The following PRKAG2 variants were observed in gnomAD, a reference collection of about 807,000 sequenced individuals.
The protein encoded by PRKAG2 is 5'-AMP-activated protein kinase subunit gamma-2.
In PRKAG2, 26 loss-of-function variants were observed where a neutral mutation model predicts 69.6. The ratio of observed to expected loss-of-function variants is 0.37; its 90% confidence interval spans 0.27 to 0.52. The LOEUF (loss-of-function observed/expected upper bound fraction) is 0.52, where lower values mean the gene tolerates loss of function less well. Ranked by LOEUF, PRKAG2 falls within the 20% of genes least tolerant of loss-of-function variation. PRKAG2 has a pLI of 0.90. For synonymous variants in PRKAG2, 293 were observed against 285.0 expected, an observed-to-expected ratio of 1.03 and a Z score of -0.28; for missense variants, 557 against 740.0, an observed-to-expected ratio of 0.75 and a Z score of 2.87.
At chr7:151,707,000 A>G (rs948297885) in intron 3 of PRKAG2, among the ~76,000 whole-genome samples, 1 of 152,244 alleles carries the variant, frequency 6.6e-6, no homozygotes, top group Non-Finnish European at 1.5e-5. Flanking sequence ...GCAGTCATGC[A>G]GAGGAGGCCT....
At position 151,701,610 on chromosome 7, in the gene PRKAG2, G is replaced by A. The variant is rs184583026; in HGVS notation, c.467-25973C>T. On this transcript the variant is annotated intron_variant, in intron 3 of 15. Transcript: ENST00000287878. ...TGTAATCCCAGCACTTTGGGAGGCC[G>A]AGACGGGCAGATCGAGAGGTCAGGA... Among the ~76,000 whole-genome samples the A allele has an allele frequency of 3.0e-3, 458 of 152,204 alleles. 1 individual carries two copies. Among genetic ancestry groups the A allele is most frequent in the African/African-American group, 9.8e-3 (406 of 41,538 alleles).
chr7:151,868,904 C>T (rs982258897), intron 1 of PRKAG2, among the ~76,000 whole-genome samples: 3 of 152,094 alleles, frequency 2.0e-5, no homozygotes, highest in African/African-American at 4.8e-5. Context: ...CATGTATTTG[C>T]CTGAAGGTTT....
intron 3 of PRKAG2, among the ~76,000 whole-genome samples, chr7:151,753,207 T>C (rs970674506): frequency 6.6e-6 from 1 of 152,258 alleles, no homozygotes; most frequent in Non-Finnish European, 1.5e-5. Flanking sequence ...AACGCGTGGC[T>C]GGAGGTCTCC....
At chr7:151,680,001 A>G (rs1461688044) in intron 3 of PRKAG2, among the ~76,000 whole-genome samples, 1 of 152,116 alleles carries the variant, frequency 6.6e-6, no homozygotes, top group Non-Finnish European at 1.5e-5. Context: ...GCAGTGAGCT[A>G]GGACTGCACC....
At chr7:151,658,083 G>A (rs1174201411) in intron 4 of PRKAG2, among the ~76,000 whole-genome samples, 3 of 151,734 alleles carry the variant, frequency 2.0e-5, no homozygotes, top group African/African-American at 4.8e-5. Flanking sequence ...GCGTGAACCC[G>A]GGAGGCGGAG....
intron 1 of PRKAG2, among the ~76,000 whole-genome samples, chr7:151,812,089 T>G (rs2078450830): frequency 6.6e-6 from 1 of 152,140 alleles, no homozygotes; most frequent in Non-Finnish European, 1.5e-5. Context: ...TTTACCAAAA[T>G]ATGCAATACA....
chr7:151,794,670 C>T (rs1022146837), intron 1 of PRKAG2, among the ~76,000 whole-genome samples: 3 of 152,264 alleles, frequency 2.0e-5, no homozygotes, highest in African/African-American at 7.2e-5. Context: ...GATCGGGTTT[C>T]AGAGGCTTCT....
intron 4 of PRKAG2, 83 bp downstream of exon 4, chr7:151,675,337 T>G (rs775941716): frequency 7.3e-7 from 1 of 1,362,940 alleles, no homozygotes; most frequent in Non-Finnish European, 1.0e-6. Flanking sequence ...CGGCTGCAGA[T>G]AGACTGCTCA....
At chr7:151,787,567 TA>T (rs2077075541) in intron 1 of PRKAG2, among the ~76,000 whole-genome samples, 3 of 152,194 alleles carry the variant, frequency 2.0e-5, no homozygotes, top group Admixed American at 2.0e-4. Context: ...TATTCCATTG[TA>T]TGAGTAGACC....
chr7:151,722,451 G>A (rs1268581052), intron 3 of PRKAG2, among the ~76,000 whole-genome samples: 1 of 152,068 alleles, frequency 6.6e-6, no homozygotes, highest in African/African-American at 2.4e-5. Flanking sequence ...TCCTACTCTT[G>A]GCATCAAAAC....
intron 3 of PRKAG2, among the ~76,000 whole-genome samples, chr7:151,742,227 CCCATAGGACT>C (rs74275006): frequency 0.27 from 41,708 of 151,888 alleles, 6,067 homozygotes; most frequent in East Asian, 0.36. Context: ...TAGCCTGAAT[CCCATAGGACT>C]CCAGAGGACC....
At chr7:151,832,363 T>C (rs959040034) in intron 1 of PRKAG2, among the ~76,000 whole-genome samples, 3 of 151,914 alleles carry the variant, frequency 2.0e-5, no homozygotes, top group Non-Finnish European at 4.4e-5. Context: ...ACCTGCTTGT[T>C]GGGGGCGAAG....
intron 9 of PRKAG2, 131 bp from the exon 10 acceptor site, chr7:151,570,356 A>G: frequency 1.9e-6 from 2 of 1,055,226 alleles, no homozygotes; most frequent in South Asian, 3.4e-5. Context: ...AAGAAATTTA[A>G]TTTGCCTAAA....
At chr7:151,830,878 G>A (rs962454950) in intron 1 of PRKAG2, among the ~76,000 whole-genome samples, 9 of 151,858 alleles carry the variant, frequency 5.9e-5, no homozygotes, top group Non-Finnish European at 1.0e-4. Context: ...GAGTGACTTC[G>A]AGTCATCCAA....
At chr7:151,743,464 T>C (rs2151717728) in intron 3 of PRKAG2, among the ~76,000 whole-genome samples, 1 of 152,320 alleles carries the variant, frequency 6.6e-6, no homozygotes, top group South Asian at 2.1e-4. Flanking sequence ...TTTACGTGTG[T>C]CTTCTGGTGG....
At chr7:151,821,609 A>AT (rs36040337) in intron 1 of PRKAG2, among the ~76,000 whole-genome samples, 45,094 of 151,770 alleles carry the variant, frequency 0.3, 7,309 homozygotes, top group Middle Eastern at 0.39. Flanking sequence ...GCACAAAACC[A>AT]TTTTTTTTCT....
At chr7:151,832,076 A>G (rs1235795592) in intron 1 of PRKAG2, among the ~76,000 whole-genome samples, 2 of 152,146 alleles carry the variant, frequency 1.3e-5, no homozygotes, top group Non-Finnish European at 2.9e-5. Flanking sequence ...AGAAGGGTAC[A>G]GGGGCCACCA....
intron 1 of PRKAG2, among the ~76,000 whole-genome samples, chr7:151,849,443 T>C (rs1414480717): frequency 6.6e-6 from 1 of 152,188 alleles, no homozygotes; most frequent in African/African-American, 2.4e-5. Context: ...TGTGTCTAGA[T>C]GGACAGGAGA....
chr7:151,832,731 G>A lies in PRKAG2; in HGVS notation c.114+43776C>T, dbSNP rs1171426203. Among the ~76,000 whole-genome samples, 4 of 152,048 alleles carry A rather than the reference G, an allele frequency of 2.6e-5. No individual in the cohort carries two copies. The East Asian group carries it at 7.7e-4, about 29-fold the overall frequency. Reference sequence around the variant, plus strand: ...TACTCTCCAGGTGCTACCTGGGACTGAGGCGACAAAAGCTCAGAGCCCACC... The same window carrying A: ...TACTCTCCAGGTGCTACCTGGGACTAAGGCGACAAAAGCTCAGAGCCCACC... On this transcript the variant is annotated intron_variant, in intron 1 of 15. Transcript: ENST00000287878.
Sources: allele counts gnomAD v4.1 joint callset (sites outside exome capture counted in the v4.1 genomes callset), GRCh38; gene constraint gnomAD v4.1.1; transcripts MANE v1.5; gene names NCBI Gene and HGNC (gene_info 2026-07-23, HGNC 2026-07-21).